The following ESRRG variants were observed in gnomAD, a reference collection of about 807,000 sequenced individuals.
ESRRG encodes estrogen related receptor gamma.
In ESRRG, 13 loss-of-function variants were observed where a neutral mutation model predicts 44.0. That is an observed-to-expected ratio of 0.30 (90% CI 0.19 to 0.47). The LOEUF is 0.47. Among genes scored for constraint, ESRRG ranks in the 20% least tolerant of loss-of-function variants. ESRRG has a pLI of 1.00. For missense variants in ESRRG, 395 were observed against 580.6 expected (o/e 0.68, Z 3.29); for synonymous variants, 215 against 214.6 (o/e 1.00, Z -0.02).
intron 6 of ESRRG, among the ~76,000 whole-genome samples, chr1:216,509,181 C>T (rs960031084): frequency 1.6e-4 from 24 of 152,272 alleles, no homozygotes; most frequent in African/African-American, 5.8e-4. Flanking sequence ...ATCAATAATG[C>T]TGCTAGAATG....
chr1:216,958,611 G>T (rs1464453398), intron 1 of ESRRG, among the ~76,000 whole-genome samples: 1 of 152,224 alleles, frequency 6.6e-6, no homozygotes, highest in East Asian at 1.9e-4. Context: ...TTTTTAAAAA[G>T]CGATCTTTTA....
At chr1:216,561,486 G>A (rs2058729513) in intron 5 of ESRRG, among the ~76,000 whole-genome samples, 1 of 152,078 alleles carries the variant, frequency 6.6e-6, no homozygotes, top group African/African-American at 2.4e-5. Context: ...ATCAGGATTG[G>A]TTCATGTTAT....
intron 2 of ESRRG, among the ~76,000 whole-genome samples, chr1:216,929,788 G>T (rs139731217): frequency 6.6e-6 from 1 of 151,940 alleles, no homozygotes; most frequent in Non-Finnish European, 1.5e-5. Flanking sequence ...TGAGAATATT[G>T]GACCAGACCC....
chr1:216,507,864 A>C (rs1425393439), intron 6 of ESRRG, among the ~76,000 whole-genome samples: 4 of 152,216 alleles, frequency 2.6e-5, no homozygotes. Flanking sequence ...CTTTGCCCTT[A>C]AATGAATAAT....
At chr1:216,754,195 A>T (rs1400338838) in intron 2 of ESRRG, among the ~76,000 whole-genome samples, 1 of 152,010 alleles carries the variant, frequency 6.6e-6, no homozygotes, top group Non-Finnish European at 1.5e-5. Flanking sequence ...GAAATATAAG[A>T]CCCAAAATGA....
intron 2 of ESRRG, among the ~76,000 whole-genome samples, chr1:216,912,262 A>AC (rs1560084969): frequency 2.8e-5 from 1 of 36,058 alleles, no homozygotes; most frequent in Non-Finnish European, 6.4e-5. Flanking sequence ...AGAGGAGAGG[A>AC]GAGGGGAGGG....
At chr1:216,804,500 G>A (rs914304282) in intron 2 of ESRRG, among the ~76,000 whole-genome samples, 5 of 151,892 alleles carry the variant, frequency 3.3e-5, no homozygotes, top group African/African-American at 1.2e-4. Context: ...TTTACCTTCC[G>A]AATAAGCCCT....
Position 217,015,533 on chromosome 1 carries a change from G to A in ESRRG, c.-106+73974C>T, listed in dbSNP as rs28631150. ...GTTTTTCTCTACACAGGAGCTCTAA[G>A]TGTTTATGTCATCCTGATACATGGA... On this transcript the variant is annotated intron_variant, in intron 1 of 7. Coordinates refer to the ESRRG transcript ENST00000359162. 7.4e-3 allele frequency among the ~76,000 whole-genome samples: 1,132 copies of A among 152,142 alleles called. 15 individuals are homozygous for A. Among genetic ancestry groups the A allele is most frequent in the African/African-American group, 0.026 (1,075 of 41,502 alleles).
chr1:216,667,290 A>AT (rs1283105235), intron 2 of ESRRG, among the ~76,000 whole-genome samples: 3 of 151,990 alleles, frequency 2.0e-5, no homozygotes, highest in Admixed American at 1.3e-4. Context: ...TTACATCCGT[A>AT]TTTTTTTTGG....
intron 1 of ESRRG, among the ~76,000 whole-genome samples, chr1:216,716,411 A>G (rs1324797666): frequency 1.3e-5 from 2 of 151,964 alleles, no homozygotes; most frequent in African/African-American, 4.8e-5. Flanking sequence ...CCTTTTATTT[A>G]GTACCATCTT....
chr1:216,838,857 C>T (rs7541274), intron 2 of ESRRG, among the ~76,000 whole-genome samples: 5,111 of 152,252 alleles, frequency 0.034, 301 homozygotes, highest in African/African-American at 0.11. Context: ...TCATCTGAGC[C>T]TTCAGTGAGT....
intron 1 of ESRRG, among the ~76,000 whole-genome samples, chr1:217,022,242 A>C (rs2080439402): frequency 6.6e-6 from 1 of 152,200 alleles, no homozygotes; most frequent in Non-Finnish European, 1.5e-5. Flanking sequence ...TTTGCTGCAA[A>C]GCATCCCAGC....
intron 1 of ESRRG, among the ~76,000 whole-genome samples, chr1:217,114,996 G>T (rs551056750): frequency 1.3e-5 from 2 of 152,112 alleles, no homozygotes; most frequent in African/African-American, 2.4e-5. Context: ...CTTCTCTCTG[G>T]AGGGATCTGC....
intron 1 of ESRRG, among the ~76,000 whole-genome samples, chr1:216,971,701 T>C (rs566790544): frequency 2.0e-5 from 3 of 152,324 alleles, no homozygotes; most frequent in African/African-American, 7.2e-5. Context: ...AACAGCTAAA[T>C]AGCTCTGATC....
intron 1 of ESRRG, among the ~76,000 whole-genome samples, chr1:216,973,176 T>A (rs2072064796): frequency 6.6e-6 from 1 of 152,072 alleles, no homozygotes; most frequent in Admixed American, 6.6e-5. Context: ...GTAAGTAAGA[T>A]CATGTCACTC....
At chr1:216,920,215 C>T (rs1032018713) in intron 2 of ESRRG, among the ~76,000 whole-genome samples, 3 of 152,100 alleles carry the variant, frequency 2.0e-5, no homozygotes, top group Admixed American at 6.6e-5. Context: ...AGATTGTGGA[C>T]GTAAAGCCTT....
chr1:216,907,386 GT>G (rs1165685178), intron 2 of ESRRG, among the ~76,000 whole-genome samples: 1 of 152,150 alleles, frequency 6.6e-6, no homozygotes, highest in Non-Finnish European at 1.5e-5. Context: ...CTCGGCAACT[GT>G]TTTATCAACC....
intron 1 of ESRRG, among the ~76,000 whole-genome samples, chr1:217,112,491 C>T (rs889752652): frequency 5.9e-5 from 9 of 152,204 alleles, no homozygotes; most frequent in African/African-American, 1.9e-4. Flanking sequence ...CCTACAGTAA[C>T]GTGGAAAATA....
intron 1 of ESRRG, among the ~76,000 whole-genome samples, chr1:216,939,965 T>C (rs1252784069): frequency 6.6e-6 from 1 of 152,186 alleles, no homozygotes; most frequent in Non-Finnish European, 1.5e-5. Context: ...GCTCCTCTCT[T>C]ATTTATAGCA....
Sources: allele counts gnomAD v4.1 joint callset (sites outside exome capture counted in the v4.1 genomes callset), GRCh38; gene constraint gnomAD v4.1.1; transcripts MANE v1.5; gene names NCBI Gene and HGNC (gene_info 2026-07-23, HGNC 2026-07-21).